The following SDC3 variants were observed in gnomAD, a reference collection of about 807,000 sequenced individuals.
SDC3 encodes the protein syndecan 3, also known as syndecan-3.
In SDC3, 13 loss-of-function variants were observed where a neutral mutation model predicts 24.4. The observed-to-expected ratio is 0.53, with a 90% CI of 0.35 to 0.85. SDC3 has a LOEUF of 0.85. Ranked by LOEUF, SDC3 falls within the 40% of genes least tolerant of loss-of-function variation. The probability of loss-of-function intolerance (pLI) is 0.01; values close to 1 mark genes in which losing one functional copy is unlikely to be tolerated. For synonymous variants in SDC3, 295 were observed against 260.9 expected (o/e 1.13, Z -1.26); for missense variants, 571 against 584.5 (o/e 0.98, Z 0.24).
chr1:30,880,281 TGA>T (rs1385319211), intron 1 of SDC3, among the ~76,000 whole-genome samples: 6 of 144,292 alleles, frequency 4.2e-5, no homozygotes, highest in Non-Finnish European at 9.0e-5. Flanking sequence ...ACGGGGGAAC[TGA>T]GAGGATGACA....
At chr1:30,891,021 G>C (rs1213974667) in intron 1 of SDC3, among the ~76,000 whole-genome samples, 3 of 152,194 alleles carry the variant, frequency 2.0e-5, no homozygotes, top group Non-Finnish European at 4.4e-5. Flanking sequence ...AGGGACTCCA[G>C]ACCCAGGCTA....
intron 1 of SDC3, among the ~76,000 whole-genome samples, chr1:30,885,143 G>T (rs186188700): frequency 7.2e-5 from 11 of 152,192 alleles, no homozygotes; most frequent in Non-Finnish European, 1.3e-4. Context: ...CTCTCAGGCT[G>T]CTTTAACTGG....
chr1:30,903,507 A>G (rs1188859622), intron 1 of SDC3, among the ~76,000 whole-genome samples: 1 of 151,808 alleles, frequency 6.6e-6, no homozygotes, highest in Non-Finnish European at 1.5e-5. Flanking sequence ...TCCCCACCCC[A>G]TACACCCCCA....
At chr1:30,896,759 C>A (rs192489853) in intron 1 of SDC3, among the ~76,000 whole-genome samples, 1 of 152,038 alleles carries the variant, frequency 6.6e-6, no homozygotes. Context: ...GCCAGTAGTT[C>A]GAAACCAGCC....
At chr1:30,899,967 G>T (rs1012338360) in intron 1 of SDC3, among the ~76,000 whole-genome samples, 1 of 152,234 alleles carries the variant, frequency 6.6e-6, no homozygotes, top group African/African-American at 2.4e-5. Context: ...GAGCCCACAC[G>T]TCTGCCTGAT....
chr1:30,881,348 C>A (rs1014204794), intron 1 of SDC3: 3 of 153,828 alleles, frequency 2.0e-5, no homozygotes, highest in African/African-American at 7.3e-5. Flanking sequence ...ACCCCACGCA[C>A]CACACTCACC....
In SDC3 at chr1:30,874,326, C is replaced by A; in HGVS notation, c.1133G>T (p.Ser378Ile). 6.2e-7 allele frequency: 1 copy of A among 1,612,660 alleles called. No homozygotes were observed. The change falls in exon 4 of 5, where the codon AGT becomes ATT. Residue 378 changes from serine to isoleucine, a missense_variant. Physicochemically the swap from Ser to Ile is moderately radical, Grantham distance 142. Around this residue, in one of 2 missense-constraint regions of SDC3, gnomAD observed 74 missense variants for 112.9 expected, o/e 0.66. Coordinates refer to ENST00000339394, the MANE Select transcript of SDC3 (RefSeq NM_014654.4). ...GAGCACCTCCTTCCGCTCCAGGATA[C>A]TCTTCTGAGGCAGCTGAGCAGCTGA... ...GSSAAQLPQK[S>I]ILERKEVLVA...
chr1:30,894,271 G>T (rs1639953873), intron 1 of SDC3, among the ~76,000 whole-genome samples: 1 of 148,256 alleles, frequency 6.7e-6, no homozygotes, highest in African/African-American at 2.5e-5. Context: ...GTGTGTGGGT[G>T]AGTGTGTGTG....
Position 30,871,573 on chromosome 1 carries a change from T to C in SDC3, c.*1638A>G, listed in dbSNP as rs1481887195. ...CCCTGAAGCTGCAGCCAGAATTGTT[T>C]GGCCAAATAGGTGAGGGGGTGTCCA... On this transcript the variant is annotated 3_prime_UTR_variant, in exon 5 of 5. Coordinates refer to ENST00000339394, the MANE Select transcript of SDC3 (RefSeq NM_014654.4). The C allele has an allele frequency of 6.6e-6, 1 of 152,316 alleles. No homozygotes were observed. The highest frequency in any genetic ancestry group is 2.4e-5 in the African/African-American group (1 of 41,464). The allele number at this position is 152,316 out of a possible 1,614,324, so 9.4% of individuals were successfully genotyped here.
intron 1 of SDC3, among the ~76,000 whole-genome samples, chr1:30,887,832 C>T (rs930771484): frequency 1.3e-5 from 2 of 152,190 alleles, no homozygotes; most frequent in African/African-American, 4.8e-5. Context: ...TGCTCCCAAT[C>T]GCTATGGGAT....
chr1:30,874,691 T>G, intron 3 of SDC3, 103 bp from the exon 4 acceptor site: 1 of 1,031,808 alleles, frequency 9.7e-7, no homozygotes, highest in African/African-American at 1.6e-5. Flanking sequence ...ACTCCCTACA[T>G]GCCAGGCACT....
At chr1:30,895,127 G>C (rs1639982394) in intron 1 of SDC3, among the ~76,000 whole-genome samples, 1 of 152,036 alleles carries the variant, frequency 6.6e-6, no homozygotes, top group African/African-American at 2.4e-5. Context: ...CAGCAGTTGG[G>C]GGACTCCTGA....
At chr1:30,909,715 T>G (rs898888111), upstream of SDC3, among the ~76,000 whole-genome samples, 2 of 152,210 alleles carry the variant, frequency 1.3e-5, no homozygotes, top group African/African-American at 2.4e-5. Context: ...GAGCTCGGCA[T>G]GACATCGATG....
At chr1:30,885,983 C>T (rs1444186861) in intron 1 of SDC3, among the ~76,000 whole-genome samples, 2 of 152,294 alleles carry the variant, frequency 1.3e-5, no homozygotes, top group Non-Finnish European at 2.9e-5. Flanking sequence ...TGCCCTCTCA[C>T]GTCACTCTTG....
Position 30,877,097 on chromosome 1 carries a change from T to G in SDC3, c.325A>C (p.Thr109Pro), listed in dbSNP as rs778957598. 19 of 1,613,582 alleles carry G rather than the reference T, an allele frequency of 1.2e-5. No homozygotes were observed. The African/African-American group carries it at 2.5e-4, about 22-fold the overall frequency. ...GTGGTGGGCAGCACCGCAGGTGTGGTGGACACCGCCAGGGCTACATCTGGG... is the reference window on the plus strand; with the variant it reads ...GTGGTGGGCAGCACCGCAGGTGTGGGGGACACCGCCAGGGCTACATCTGGG... ...FSPDVALAVS[T>P]TPAVLPTTNI... Residue 109 changes from threonine to proline, a missense_variant, in exon 3 of 5, where the codon ACC becomes CCC. This residue lies in a region of SDC3 where 497 missense variants were observed against 471.6 expected (regional missense o/e 1.05). Coordinates refer to ENST00000339394, the MANE Select transcript of SDC3 (RefSeq NM_014654.4).
At chr1:30,884,110 C>T (rs1639789240) in intron 1 of SDC3, among the ~76,000 whole-genome samples, 1 of 152,032 alleles carries the variant, frequency 6.6e-6, no homozygotes, top group Admixed American at 6.5e-5. Flanking sequence ...CCACAGCTGC[C>T]CTGGCCAGGA....
chr1:30,874,235 C>A, intron 4 of SDC3, 62 bp downstream of exon 4: 2 of 1,400,834 alleles, frequency 1.4e-6, no homozygotes, highest in Non-Finnish European at 1.9e-6. Context: ...AACTGAGGCC[C>A]AGCCAGCTGT....
At chr1:30,900,416 C>A (rs1170621496) in intron 1 of SDC3, among the ~76,000 whole-genome samples, 1 of 152,202 alleles carries the variant, frequency 6.6e-6, no homozygotes, top group African/African-American at 2.4e-5. Flanking sequence ...CAGACACCCC[C>A]CAACAATGGC....
Position 30,871,330 on chromosome 1 carries a change from A to G in SDC3, c.*1881T>C, listed in dbSNP as rs1639530493. The G allele has an allele frequency of 6.6e-6, 1 of 152,152 alleles. No homozygotes were observed. 9.4% of individuals were successfully genotyped at this position (152,152 alleles called of 1,614,324 possible). On this transcript the variant is annotated 3_prime_UTR_variant, in exon 5 of 5. Coordinates refer to ENST00000339394, the MANE Select transcript of SDC3 (RefSeq NM_014654.4). ...GGGGTGGGGGTGTGAGTGCCAGCCA[A>G]TCGCAACTCACACCACATCCCTTTG... is the stretch of plus-strand genomic sequence containing the variant.
Sources: allele counts gnomAD v4.1 joint callset (sites outside exome capture counted in the v4.1 genomes callset), GRCh38; gene constraint gnomAD v4.1.1; regional missense constraint gnomAD v4.1.1; transcripts MANE v1.5; gene names NCBI Gene and HGNC (gene_info 2026-07-23, HGNC 2026-07-21).